Variants in EGFR observed in about 807,000 individuals in gnomAD.
The protein encoded by EGFR is avian erythroblastic leukemia viral (v-erb-b) oncogene homolog.
In EGFR, 58 loss-of-function variants were observed where a neutral mutation model predicts 143.0. The ratio of observed to expected loss-of-function variants is 0.41; its 90% CI spans 0.33 to 0.50. The LOEUF (loss-of-function observed/expected upper bound fraction) is 0.50, where lower values mean the gene tolerates loss of function less well. Among genes scored for constraint, EGFR ranks in the 20% least tolerant of loss-of-function variants. EGFR has a pLI of 0.39. For missense variants in EGFR, 1,307 were observed against 1,579.0 expected, an observed-to-expected ratio of 0.83 and a Z score of 2.92; for synonymous variants, 613 against 594.4, an observed-to-expected ratio of 1.03 and a Z score of -0.45.
chr7:55,021,853 A>T (rs142497776), intron 1 of EGFR, among the ~76,000 whole-genome samples: 154 of 152,300 alleles, frequency 1.0e-3, no homozygotes, highest in Non-Finnish European at 1.9e-3. Context: ...GGTACGAAGA[A>T]CTAAAGTGAC....
Position 55,047,451 on chromosome 7 carries a change from T to C in EGFR, c.88+28086T>C, listed in dbSNP as rs185777116. On this transcript the variant is annotated intron_variant, in intron 1 of 27. Transcript: ENST00000275493. ...TGTACTTGATCTGGCCTGCTGCTTT[T>C]AAAAGATTAAAACTGGGACTGGGCA... Among the ~76,000 whole-genome samples the C allele has an allele frequency of 2.0e-5, 3 of 152,342 alleles. No homozygotes were observed. The East Asian group carries it at 5.8e-4, about 29-fold the overall frequency.
intron 1 of EGFR, among the ~76,000 whole-genome samples, chr7:55,103,056 A>C (rs1467505322): frequency 6.6e-6 from 1 of 152,202 alleles, no homozygotes; most frequent in African/African-American, 2.4e-5. Flanking sequence ...AAGATGGAGA[A>C]AGATATAAGA....
At chr7:55,168,334 A>G (rs1356476758) in intron 15 of EGFR, among the ~76,000 whole-genome samples, 1 of 152,234 alleles carries the variant, frequency 6.6e-6, no homozygotes, top group Non-Finnish European at 1.5e-5. Flanking sequence ...CTATATCAGT[A>G]TCTCTGTGTC....
At chr7:55,155,102 GTCCTATAAATATTTTTGAGGAT>G (rs1785345872) in intron 7 of EGFR, among the ~76,000 whole-genome samples, 1 of 152,206 alleles carries the variant, frequency 6.6e-6, no homozygotes, top group African/African-American at 2.4e-5. Flanking sequence ...AATCATCAAT[GTCCTATAAATATTTTTGAGGAT>G]CTTCTTGGGG....
At chr7:55,063,533 G>A (rs1476928438) in intron 1 of EGFR, among the ~76,000 whole-genome samples, 2 of 152,154 alleles carry the variant, frequency 1.3e-5, no homozygotes, top group African/African-American at 4.8e-5. Flanking sequence ...TGCACTCATG[G>A]AAAAAGTTCT....
chr7:55,078,480 A>G (rs561958704), intron 1 of EGFR, among the ~76,000 whole-genome samples: 1 of 152,320 alleles, frequency 6.6e-6, no homozygotes, highest in South Asian at 2.1e-4. Context: ...GCCTCGGTGC[A>G]TAGGGTTTAT....
At chr7:55,109,401 A>G (rs980078515) in intron 1 of EGFR, among the ~76,000 whole-genome samples, 1 of 152,250 alleles carries the variant, frequency 6.6e-6, no homozygotes, top group Non-Finnish European at 1.5e-5. Flanking sequence ...TTCCCAGGTA[A>G]TAATGACTGC....
chr7:55,106,828 G>A (rs1251886234), intron 1 of EGFR, among the ~76,000 whole-genome samples: 4 of 151,860 alleles, frequency 2.6e-5, no homozygotes, highest in Non-Finnish European at 4.4e-5. Flanking sequence ...TTTTAAAGTC[G>A]GTTTTAAAAA....
intron 1 of EGFR, among the ~76,000 whole-genome samples, chr7:55,082,668 G>A (rs1303774333): frequency 2.0e-5 from 3 of 152,114 alleles, no homozygotes; most frequent in Admixed American, 6.5e-5. Flanking sequence ...CTGTGGCTCC[G>A]GGCAGCAGCC....
chr7:55,156,686 T>C, intron 9 of EGFR, 27 bp downstream of exon 9: 1 of 1,614,236 alleles, frequency 6.2e-7, no homozygotes, highest in South Asian at 1.1e-5. Flanking sequence ...GTTGCTTGTA[T>C]AAAGAAAAAC....
At chr7:55,179,352 T>TA (rs777499839) in intron 19 of EGFR, among the ~76,000 whole-genome samples, 14 of 152,262 alleles carry the variant, frequency 9.2e-5, no homozygotes, top group Non-Finnish European at 1.9e-4. Flanking sequence ...TGTGTGGCTC[T>TA]AAAAGGTTCC....
At position 55,146,455 on chromosome 7, in the gene EGFR, C is replaced by T. The variant is rs983046682; in HGVS notation, c.425-151C>T. 11 of 1,226,652 alleles carry T rather than the reference C, an allele frequency of 9.0e-6. No individual in the cohort carries two copies. In the Admixed American group the frequency reaches 1.8e-4, roughly 20 times the overall value. 76.0% of individuals were successfully genotyped at this position (1,226,652 alleles called of 1,614,324 possible). A position where few individuals can be genotyped will look rare whatever the true frequency, so the allele number is the denominator to read the frequency against. ...CATCATTAACAATTTTATCTGGCCG[C>T]CCCCCGGGAAGTTCACTGGGCTAAT... On this transcript the variant is annotated intron_variant, in intron 3 of 27. Transcript: ENST00000275493.
intron 1 of EGFR, among the ~76,000 whole-genome samples, chr7:55,114,374 T>C (rs1584074538): frequency 6.6e-6 from 1 of 152,238 alleles, no homozygotes; most frequent in African/African-American, 2.4e-5. Context: ...TAGTCCCAGC[T>C]ACTCAGGAAG....
At chr7:55,028,984 C>T (rs920928742) in intron 1 of EGFR, among the ~76,000 whole-genome samples, 5 of 151,968 alleles carry the variant, frequency 3.3e-5, no homozygotes, top group Non-Finnish European at 5.9e-5. Context: ...ATGGTGAAAC[C>T]CGCCTCTACT....
intron 24 of EGFR, 26 bp downstream of exon 24, chr7:55,200,439 T>G (rs200932281): frequency 6.3e-7 from 1 of 1,598,852 alleles, no homozygotes; most frequent in South Asian, 1.1e-5. Flanking sequence ...TGTGCTTCCA[T>G]TGGGAAGAGT....
In EGFR at chr7:55,136,421, C is replaced by T. The variant is rs17289540; in HGVS notation, c.89-5865C>T. On this transcript the variant is annotated intron_variant, in intron 1 of 27. Transcript: ENST00000275493. ...TCTATCTCCCTCAGGCACACGGAAA[C>T]GAGAAAGGCAGAGAAACCCAGGACA... Among the ~76,000 whole-genome samples the T allele has an allele frequency of 4.9e-4, 74 of 152,246 alleles. No homozygotes were observed. In the East Asian group the frequency reaches 5.6e-3, roughly 12 times the overall value.
At chr7:55,043,453 G>A (rs1208886525) in intron 1 of EGFR, among the ~76,000 whole-genome samples, 1 of 152,108 alleles carries the variant, frequency 6.6e-6, no homozygotes, top group Non-Finnish European at 1.5e-5. Flanking sequence ...CTGCCTCCTA[G>A]GTTCAAGCAA....
At chr7:55,038,062 G>C (rs983243566) in intron 1 of EGFR, among the ~76,000 whole-genome samples, 6 of 152,186 alleles carry the variant, frequency 3.9e-5, no homozygotes, top group African/African-American at 1.4e-4. Context: ...CTGCAGATAG[G>C]GGGAGGTTTT....
intron 1 of EGFR, among the ~76,000 whole-genome samples, chr7:55,036,671 T>C (rs1025236005): frequency 2.6e-5 from 4 of 152,244 alleles, no homozygotes; most frequent in Admixed American, 2.6e-4. Context: ...TTTCTTTTGA[T>C]ATAACTAGCT....
Sources: gnomAD v4.1 joint callset for allele counts (sites outside exome capture counted in the v4.1 genomes callset) on GRCh38, gnomAD v4.1.1 for gene constraint, MANE v1.5 for transcripts, NCBI Gene and HGNC (gene_info 2026-07-23, HGNC 2026-07-21) for gene names.